TFCP2: variants seen among roughly 807,000 people sequenced by gnomAD.
The protein encoded by TFCP2 is transcription factor CP2, also known as alpha-globin transcription factor CP2.
A neutral mutation model predicts 73.4 loss-of-function variants in TFCP2; 33 were observed. That is an observed-to-expected ratio of 0.45 (90% CI 0.34 to 0.60). TFCP2 has a LOEUF of 0.60. Among genes scored for constraint, TFCP2 ranks in the 20% least tolerant of loss-of-function variants. The pLI is 0.01. For missense variants in TFCP2, 352 were observed against 604.0 expected (o/e 0.58, Z 4.37); for synonymous variants, 193 against 211.6 (o/e 0.91, Z 0.76).
chr12:51,109,515 CTAAATTCAT>C (rs1940340796), intron 5 of TFCP2, among the ~76,000 whole-genome samples: 1 of 152,174 alleles, frequency 6.6e-6, no homozygotes, highest in Admixed American at 6.6e-5. Flanking sequence ...CTGTGAGGAA[CTAAATTCAT>C]TAACTGCTTC....
intron 1 of TFCP2, among the ~76,000 whole-genome samples, chr12:51,138,857 C>T (rs1160456522): frequency 6.6e-6 from 1 of 152,126 alleles, no homozygotes; most frequent in Non-Finnish European, 1.5e-5. Flanking sequence ...AGGCTGTTCT[C>T]GAACTCCCAA....
intron 1 of TFCP2, chr12:51,125,137 G>T: frequency 1.3e-6 from 1 of 741,868 alleles, no homozygotes. Flanking sequence ...AAGATGATGC[G>T]CAGTGTGATA....
chr12:51,163,925 G>A (rs901739936), intron 1 of TFCP2, among the ~76,000 whole-genome samples: 18 of 151,536 alleles, frequency 1.2e-4, no homozygotes, highest in Middle Eastern at 3.4e-3. Flanking sequence ...TAAAAATAAG[G>A]CAGGTGCAGT....
chr12:51,103,109 C>G (rs935399350), intron 10 of TFCP2, among the ~76,000 whole-genome samples: 1 of 151,860 alleles, frequency 6.6e-6, no homozygotes, highest in Non-Finnish European at 1.5e-5. Flanking sequence ...ATGGTGAAAC[C>G]CTGTCTCTAC....
At chr12:51,136,066 G>C (rs1009511843) in intron 1 of TFCP2, among the ~76,000 whole-genome samples, 6 of 152,006 alleles carry the variant, frequency 3.9e-5, no homozygotes, top group Admixed American at 2.0e-4. Context: ...CAACACTTTG[G>C]GAGGCTGAGG....
rs1941244289 is a variant in TFCP2, at chr12:51,144,207, A to AT, written c.123-25436dup. Among the ~76,000 whole-genome samples the AT allele has an allele frequency of 2.0e-5, 3 of 151,780 alleles. No individual in the cohort carries two copies. The South Asian group carries it at 6.2e-4, about 32-fold the overall frequency. On this transcript the variant is annotated intron_variant, in intron 1 of 14. Coordinates refer to ENST00000257915, the MANE Select transcript of TFCP2 (RefSeq NM_005653.5). The stretch of plus-strand genomic sequence containing the variant: ...ACCACCACACCTGGCTAATTTTTCA[A>AT]TTTTTTTGTAGAGATAGGGTCTGTT...
chr12:51,152,599 G>A (rs1941452678), intron 1 of TFCP2, among the ~76,000 whole-genome samples: 1 of 152,136 alleles, frequency 6.6e-6, no homozygotes, highest in South Asian at 2.1e-4. Flanking sequence ...CGCCACATCT[G>A]CCTTTTACCT....
chr12:51,129,193 AGT>A (rs1401745712), intron 1 of TFCP2, among the ~76,000 whole-genome samples: 2 of 152,054 alleles, frequency 1.3e-5, no homozygotes, highest in South Asian at 2.1e-4. Flanking sequence ...CTTAGTTCTG[AGT>A]GTACAAATTT....
chr12:51,136,158 T>C (rs764538604), intron 1 of TFCP2, among the ~76,000 whole-genome samples: 1 of 151,336 alleles, frequency 6.6e-6, no homozygotes, highest in South Asian at 2.1e-4. Flanking sequence ...TACAAAAAAA[T>C]TTTAGCCAGG....
At chr12:51,140,062 C>T (rs955639344) in intron 1 of TFCP2, among the ~76,000 whole-genome samples, 2 of 152,250 alleles carry the variant, frequency 1.3e-5, no homozygotes, top group East Asian at 3.9e-4. Context: ...CAAGTTTTAT[C>T]CTTGTTTATC....
chr12:51,139,485 C>T (rs535062609), intron 1 of TFCP2, among the ~76,000 whole-genome samples: 4 of 152,242 alleles, frequency 2.6e-5, no homozygotes, highest in African/African-American at 7.2e-5. Flanking sequence ...AATCCACCCA[C>T]CTCAGCCTCA....
intron 4 of TFCP2, among the ~76,000 whole-genome samples, chr12:51,112,222 G>A (rs921778053): frequency 6.6e-6 from 1 of 152,150 alleles, no homozygotes; most frequent in African/African-American, 2.4e-5. Flanking sequence ...GCTATATAGT[G>A]ATGTTTCAAT....
intron 1 of TFCP2, among the ~76,000 whole-genome samples, chr12:51,159,464 A>G (rs1266599699): frequency 1.3e-5 from 2 of 151,394 alleles, no homozygotes; most frequent in Non-Finnish European, 3.0e-5. Flanking sequence ...TCAGCCGCCC[A>G]AGTAGCTGGG....
intron 1 of TFCP2, among the ~76,000 whole-genome samples, chr12:51,169,408 G>A (rs899347678): frequency 3.3e-5 from 5 of 151,914 alleles, no homozygotes; most frequent in African/African-American, 1.2e-4. Flanking sequence ...GGCTGAGGCA[G>A]GAGAATCGCT....
intron 1 of TFCP2, among the ~76,000 whole-genome samples, chr12:51,126,186 T>C (rs1940812302): frequency 6.8e-6 from 1 of 147,858 alleles, no homozygotes; most frequent in Non-Finnish European, 1.5e-5. Flanking sequence ...TGAGCCGAGA[T>C]TGCGCTACTG....
intron 1 of TFCP2, among the ~76,000 whole-genome samples, chr12:51,147,536 G>A (rs1249015280): frequency 6.6e-6 from 1 of 151,452 alleles, no homozygotes; most frequent in Non-Finnish European, 1.5e-5. Flanking sequence ...AGGTGGGGGG[G>A]GAAAGAGAGA....
Position 51,172,282 on chromosome 12 carries a change from C to G in TFCP2, c.122+19G>C. 1 of 1,613,626 alleles carries G rather than the reference C, an allele frequency of 6.2e-7. No individual in the cohort carries two copies. Among genetic ancestry groups the G allele is most frequent in the Non-Finnish European group, 8.5e-7 (1 of 1,179,770 alleles). On this transcript the variant is annotated intron_variant, in intron 1 of 14. Coordinates refer to ENST00000257915, the MANE Select transcript of TFCP2 (RefSeq NM_005653.5). The stretch of plus-strand genomic sequence containing the variant: ...CTTTGTTATTCAGAAGGTGTAGGGT[C>G]TGGGAAAATCTCACTCACCTCATGC...
intron 1 of TFCP2, among the ~76,000 whole-genome samples, chr12:51,127,224 C>T (rs1041809765): frequency 2.6e-5 from 4 of 152,140 alleles, no homozygotes; most frequent in Non-Finnish European, 5.9e-5. Flanking sequence ...CTAGATGTAG[C>T]AACTAGACTC....
At chr12:51,143,504 T>C (rs1182841620) in intron 1 of TFCP2, among the ~76,000 whole-genome samples, 6 of 151,922 alleles carry the variant, frequency 3.9e-5, no homozygotes, top group Non-Finnish European at 8.8e-5. Flanking sequence ...GGACAGGCTC[T>C]GGAGGTAAGC....
Sources: gnomAD v4.1 joint callset for allele counts (sites outside exome capture counted in the v4.1 genomes callset) on GRCh38, gnomAD v4.1.1 for gene constraint, MANE v1.5 for transcripts, NCBI Gene and HGNC (gene_info 2026-07-23, HGNC 2026-07-21) for gene names.